Variants in CHD1L observed in about 807,000 individuals in gnomAD.
CHD1L encodes chromodomain helicase DNA binding protein 1 like, also known as ATP-dependent chromatin remodeler CHD1L.
In CHD1L, 118 loss-of-function variants were observed where a neutral mutation model predicts 115.9. The observed-to-expected ratio is 1.02, with a 90% CI of 0.88 to 1.19. The LOEUF (loss-of-function observed/expected upper bound fraction) is 1.19, where lower values mean the gene tolerates loss of function less well. Among genes scored for constraint, CHD1L ranks in the 50% most tolerant of loss-of-function variants. CHD1L has a pLI of 0.00. For synonymous variants in CHD1L, 411 were observed against 387.1 expected (o/e 1.06, Z -0.72); for missense variants, 1,179 against 1,065.3 (o/e 1.11, Z -1.49).
At chr1:147,233,111 G>T in the CHD1L span, among the ~76,000 whole-genome samples, 1 of 151,038 alleles carries the variant, frequency 6.6e-6, no homozygotes, top group Non-Finnish European at 1.5e-5. Context: ...CTGCCCCGCC[G>T]CCCCATCTGG....
chr1:147,173,643 C>T, the CHD1L span: 916 of 152,242 alleles, frequency 6.0e-3, 12 homozygotes, highest in African/African-American at 0.021. Flanking sequence ...AGGTACTTAC[C>T]TTTGTATTAT....
the CHD1L span, among the ~76,000 whole-genome samples, chr1:147,233,220 T>C: frequency 1.3e-5 from 2 of 149,690 alleles, no homozygotes; most frequent in African/African-American, 4.9e-5. Flanking sequence ...ACCCTCCGCC[T>C]GGCAACTGCC....
upstream of CHD1L, among the ~76,000 whole-genome samples, chr1:147,240,255 A>G (rs1553930427): frequency 6.6e-6 from 1 of 152,236 alleles, no homozygotes; most frequent in East Asian, 1.9e-4. Flanking sequence ...TCCCTGAAAC[A>G]TGGGCTGTGT....
rs1462577764 is a variant in CHD1L at position 147,295,675 on chromosome 1, C to T, written c.*166C>T. 2 of 565,372 alleles carry T rather than the reference C, an allele frequency of 3.5e-6. No individual in the cohort carries two copies. Among genetic ancestry groups the T allele is most frequent in the African/African-American group, 3.9e-5 (2 of 51,442 alleles). 35.0% of individuals were successfully genotyped at this position (565,372 alleles called of 1,614,324 possible). The stretch of plus-strand genomic sequence containing the variant: ...CTGGATGTTTTGCTCTGTTTTGGTA[C>T]CTGTAATATAGGGAAACACAACTTT... On this transcript the variant is annotated 3_prime_UTR_variant, in exon 23 of 23. Transcript: ENST00000369258.
chr1:147,234,627 G>A, the CHD1L span, among the ~76,000 whole-genome samples: 1 of 152,140 alleles, frequency 6.6e-6, no homozygotes, highest in Non-Finnish European at 1.5e-5. Flanking sequence ...ACTTAAAAAT[G>A]TTTTTACTAA....
the CHD1L span, chr1:147,190,368 A>G: frequency 1.6e-6 from 1 of 625,682 alleles, no homozygotes. Context: ...CCTGTACTCA[A>G]GGAGGTTACA....
At chr1:147,287,352 G>A (rs782252116) in intron 18 of CHD1L, among the ~76,000 whole-genome samples, 16 of 152,028 alleles carry the variant, frequency 1.1e-4, no homozygotes, top group African/African-American at 3.1e-4. Context: ...CCGTCCTTCC[G>A]CAGTCATTTG....
chr1:147,185,007 A>G, the CHD1L span, among the ~76,000 whole-genome samples: 1 of 152,140 alleles, frequency 6.6e-6, no homozygotes, highest in Admixed American at 6.5e-5. Flanking sequence ...CGACTTTAAA[A>G]TAATTAGGAA....
chr1:147,190,733 G>A, the CHD1L span, among the ~76,000 whole-genome samples: 1 of 151,944 alleles, frequency 6.6e-6, no homozygotes, highest in Non-Finnish European at 1.5e-5. Flanking sequence ...TGCACAATGT[G>A]CAGGTTTGTT....
intron 14 of CHD1L, among the ~76,000 whole-genome samples, chr1:147,277,456 CTGT>C (rs1678960720): frequency 6.6e-6 from 1 of 152,124 alleles, no homozygotes; most frequent in South Asian, 2.1e-4. Context: ...GACAGGGATC[CTGT>C]TGTTTTTGTT....
chr1:147,294,373 GATGAGT>G, intron 21 of CHD1L, 30 bp from the exon 22 acceptor site: 2 of 1,484,602 alleles, frequency 1.3e-6, no homozygotes, highest in Non-Finnish European at 1.8e-6. Context: ...ATCAATTTTT[GATGAGT>G]GAAGACATGT....
chr1:147,181,357 T>C, the CHD1L span, among the ~76,000 whole-genome samples: 2 of 152,188 alleles, frequency 1.3e-5, no homozygotes, highest in Non-Finnish European at 2.9e-5. Flanking sequence ...TCTGGGAGTC[T>C]GGAATTCTGA....
rs1553956792 is a variant in CHD1L, at chr1:147,275,423, A to G, written c.1340A>G (p.Asn447Ser). 9 of 1,614,192 alleles carry G rather than the reference A, an allele frequency of 5.6e-6. No individual in the cohort carries two copies. The highest frequency in any genetic ancestry group is 7.6e-6 in the Non-Finnish European group (9 of 1,180,010). ...IFVDSDFNPQNDLQAAARAHR... is the reference protein window; with the variant it reads ...IFVDSDFNPQSDLQAAARAHR... ...GTTGACAGTGACTTTAATCCTCAGA[A>G]TGACTTGCAAGCAGCTGCCAGGGCT... Residue 447 changes from asparagine to serine, a missense_variant, in exon 13 of 23, where the codon AAT (asparagine) becomes AGT (serine). Coordinates refer to ENST00000369258, the MANE Select transcript of CHD1L (RefSeq NM_004284.6).
the CHD1L span, among the ~76,000 whole-genome samples, chr1:147,180,201 G>T: frequency 1.3e-5 from 2 of 152,156 alleles, no homozygotes; most frequent in Non-Finnish European, 2.9e-5. Context: ...CCAGTGTCAT[G>T]TTGTATAGTC....
chr1:147,185,206 A>G, the CHD1L span, among the ~76,000 whole-genome samples: 2 of 152,052 alleles, frequency 1.3e-5, no homozygotes, highest in Non-Finnish European at 2.9e-5. Flanking sequence ...TATAATATGT[A>G]CAATGAGAGA....
At chr1:147,201,430 CCT>C in the CHD1L span, 4 of 1,614,162 alleles carry the variant, frequency 2.5e-6, no homozygotes, top group Non-Finnish European at 3.4e-6. Context: ...CTTCACATTT[CCT>C]TTCACTTTCA....
the CHD1L span, chr1:147,209,053 T>C: frequency 1.2e-6 from 2 of 1,612,334 alleles, no homozygotes; most frequent in South Asian, 1.1e-5. Context: ...GAGGAAAACC[T>C]GGGGCATGGA....
At chr1:147,224,051 G>T in the CHD1L span, 1 of 398,538 alleles carries the variant, frequency 2.5e-6, no homozygotes. Context: ...CATCGAGCTG[G>T]TTGTCTTCCT....
chr1:147,202,234 A>G, the CHD1L span, among the ~76,000 whole-genome samples: 1 of 151,044 alleles, frequency 6.6e-6, no homozygotes, highest in South Asian at 2.1e-4. Context: ...TGCAAAAGTA[A>G]TTGCTTATTT....
Sources: gnomAD v4.1 joint callset for allele counts (sites outside exome capture counted in the v4.1 genomes callset) on GRCh38, gnomAD v4.1.1 for gene constraint, MANE v1.5 for transcripts, NCBI Gene and HGNC (gene_info 2026-07-23, HGNC 2026-07-21) for gene names.